Variants in DUX4 observed in about 807,000 individuals in gnomAD.
DUX4 encodes double homeobox 4.
At position 190,175,785 on chromosome 4, in the gene DUX4, C is replaced by A; in HGVS notation, c.*375C>A. ...TCTAGGCAAACCTGGATTAGAGTTA[C>A]ATCTCCTGGATGATTAGTTCAGAGA... On this transcript the variant is annotated 3_prime_UTR_variant, in exon 2 of 2. Transcript: ENST00000565211. 1 of 154,094 alleles carries A rather than the reference C, an allele frequency of 6.5e-6. No homozygotes were observed. The allele number at this position is 154,094 out of a possible 1,614,324, so 9.5% of individuals were successfully genotyped here. A position where few individuals can be genotyped will look rare whatever the true frequency, so the allele number is the denominator to read the frequency against.
downstream of DUX4, among the ~76,000 whole-genome samples, chr4:190,180,081 A>G (rs1312295576): frequency 3.3e-3 from 5 of 1,536 alleles, no homozygotes; most frequent in Middle Eastern, 0.25. Flanking sequence ...CCAAGACAAG[A>G]GTCAGTCACC....
At chr4:190,177,256 AT>A, downstream of DUX4, among the ~76,000 whole-genome samples, 1 of 149,370 alleles carries the variant, frequency 6.7e-6, no homozygotes, top group Non-Finnish European at 1.5e-5. Flanking sequence ...ATACGTCACA[AT>A]ACCCCCTGTA....
downstream of DUX4, among the ~76,000 whole-genome samples, chr4:190,179,779 A>AG (rs1742511060): frequency 1.1e-4 from 1 of 9,298 alleles, no homozygotes; most frequent in East Asian, 1.9e-3. Flanking sequence ...AGATATGTCA[A>AG]AATGCCCCTG....
At chr4:190,179,277 TG>T, downstream of DUX4, among the ~76,000 whole-genome samples, 1 of 150,022 alleles carries the variant, frequency 6.7e-6, no homozygotes, top group South Asian at 2.1e-4. Flanking sequence ...TTACATGACC[TG>T]GGTGATCAGT....
At chr4:190,178,491 CCCCCTGTAGGCAGAT>C (rs1742428643), downstream of DUX4, among the ~76,000 whole-genome samples, 3 of 58,014 alleles carry the variant, frequency 5.2e-5, no homozygotes, top group South Asian at 4.8e-4. Flanking sequence ...TTTCACAATA[CCCCCTGTAGGCAGAT>C]CCTAGACAAG....
intron 1 of DUX4, among the ~76,000 whole-genome samples, chr4:190,183,742 C>G (rs1345672018): frequency 8.7e-6 from 1 of 115,204 alleles, no homozygotes; most frequent in Non-Finnish European, 2.1e-5. Flanking sequence ...ATTTTAAACT[C>G]CAAATACTTA....
downstream of DUX4, among the ~76,000 whole-genome samples, chr4:190,177,137 G>GC (rs1742343835): frequency 6.7e-6 from 1 of 149,624 alleles, no homozygotes; most frequent in East Asian, 2.0e-4. Context: ...TGTAGGCAGA[G>GC]AGTGGACAAG....
chr4:190,178,770 AGGC>A (rs1742449860), downstream of DUX4, among the ~76,000 whole-genome samples: 1 of 96,564 alleles, frequency 1.0e-5, no homozygotes, highest in Non-Finnish European at 2.1e-5. Flanking sequence ...AGCCCCCTGT[AGGC>A]CAAAGCCTAG....
downstream of DUX4, among the ~76,000 whole-genome samples, chr4:190,179,494 G>C (rs1742497877): frequency 1.3e-4 from 16 of 121,448 alleles, no homozygotes; most frequent in Admixed American, 1.6e-4. Context: ...GGTGATCAGT[G>C]CAGAGATATG....
chr4:190,176,629 G>C (rs1579831791), downstream of DUX4, among the ~76,000 whole-genome samples: 2 of 118,740 alleles, frequency 1.7e-5, no homozygotes, highest in Non-Finnish European at 1.9e-5. Context: ...TCAGTGCAGA[G>C]ATGTGTCACA....
intron 1 of DUX4, among the ~76,000 whole-genome samples, 178 bp from the exon 2 acceptor site, chr4:190,175,469 G>T (rs1178416798): frequency 7.2e-5 from 1 of 13,924 alleles, no homozygotes; most frequent in Non-Finnish European, 1.9e-4. Context: ...CCCGTCCCGC[G>T]AAACACCGGG....
chr4:190,178,886 TC>T (rs1742460412), downstream of DUX4, among the ~76,000 whole-genome samples: 702 of 67,680 alleles, frequency 0.01, 2 homozygotes, highest in African/African-American at 0.037. Flanking sequence ...TCAGTGCAGA[TC>T]TATGTCACAA....
downstream of DUX4, among the ~76,000 whole-genome samples, chr4:190,178,448 A>ACT (rs1742426127): frequency 1.1e-3 from 60 of 55,466 alleles, no homozygotes; most frequent in Non-Finnish European, 1.7e-3. Context: ...CTTAGACAAG[A>ACT]GTTACATCAC....
downstream of DUX4, among the ~76,000 whole-genome samples, chr4:190,179,511 G>A (rs1742499751): frequency 0.033 from 1,139 of 34,722 alleles, no homozygotes; most frequent in Non-Finnish European, 0.043. Context: ...TATGTCACAA[G>A]CCCCCTGTAG....
At chr4:190,179,075 G>GATCTGGA (rs1742477173), downstream of DUX4, among the ~76,000 whole-genome samples, 4 of 12,236 alleles carry the variant, frequency 3.3e-4, no homozygotes, top group Admixed American at 1.2e-3. Flanking sequence ...CATTACTTGG[G>GATCTGGA]TGATCAGTGC....
chr4:190,182,004 C>T (rs1742600044), intron 1 of DUX4: 1 of 112,754 alleles, frequency 8.9e-6, no homozygotes, highest in Non-Finnish European at 2.1e-5. Flanking sequence ...ATTATTACAT[C>T]ACTTGGGTGA....
At chr4:190,179,039 T>TAA (rs1742473707), downstream of DUX4, among the ~76,000 whole-genome samples, 1 of 3,172 alleles carries the variant, frequency 3.2e-4, no homozygotes, top group Non-Finnish European at 5.2e-4. Context: ...ACAAAGTCCC[T>TAA]TTAGGCAGAT....
chr4:190,181,297 AG>A, intron 1 of DUX4, among the ~76,000 whole-genome samples: 1 of 144,852 alleles, frequency 6.9e-6, no homozygotes, highest in African/African-American at 2.5e-5. Context: ...TGCCGCCAGT[AG>A]GCAGAGCCTA....
downstream of DUX4, among the ~76,000 whole-genome samples, chr4:190,178,885 A>AGTTT (rs1415331305): frequency 6.0e-5 from 6 of 99,558 alleles, no homozygotes; most frequent in South Asian, 3.4e-4. Flanking sequence ...ATCAGTGCAG[A>AGTTT]TCTATGTCAC....
Sources: gnomAD v4.1 joint callset for allele counts (sites outside exome capture counted in the v4.1 genomes callset) on GRCh38, gnomAD v4.1.1 for gene constraint, MANE v1.5 for transcripts, NCBI Gene and HGNC (gene_info 2026-07-23, HGNC 2026-07-21) for gene names.